KIAA1671: variants seen among roughly 807,000 people sequenced by gnomAD.
KIAA1671 encodes the protein KIAA1671.
In KIAA1671, 52 loss-of-function variants were observed where a neutral mutation model predicts 131.2. The ratio of observed to expected loss-of-function variants is 0.40; its 90% CI spans 0.32 to 0.50. The LOEUF is 0.50. KIAA1671 is among the 20% of genes least tolerant of loss of function. KIAA1671 has a pLI of 0.73. For synonymous variants in KIAA1671, 1,003 were observed against 961.6 expected, an observed-to-expected ratio of 1.04 and a Z score of -0.80; for missense variants, 2,360 against 2,364.2, an observed-to-expected ratio of 1.00 and a Z score of 0.04.
At chr22:25,033,555 TTTTGGTTGGTTTG>T (rs1926403895) in intron 4 of KIAA1671, among the ~76,000 whole-genome samples, 4 of 150,478 alleles carry the variant, frequency 2.7e-5, no homozygotes, top group African/African-American at 4.9e-5. Flanking sequence ...TTAGTTGTTT[TTTTGGTTGGTTTG>T]TTTTCGTTTT....
chr22:24,968,789 T>C (rs1310817223), intron 1 of KIAA1671, among the ~76,000 whole-genome samples: 1 of 152,222 alleles, frequency 6.6e-6, no homozygotes, highest in Non-Finnish European at 1.5e-5. Context: ...CATGCATGTG[T>C]TGGGCATGAG....
chr22:25,035,698 G>C (rs1348725902), intron 4 of KIAA1671, among the ~76,000 whole-genome samples: 1 of 152,180 alleles, frequency 6.6e-6, no homozygotes, highest in East Asian at 1.9e-4. Flanking sequence ...GGGCAAAAAG[G>C]CTGTGTGTGG....
At chr22:24,987,775 T>A (rs1417918023) in intron 1 of KIAA1671, among the ~76,000 whole-genome samples, 1 of 152,242 alleles carries the variant, frequency 6.6e-6, no homozygotes, top group Non-Finnish European at 1.5e-5. Flanking sequence ...GCTAGTCTGA[T>A]AGACTCCTGC....
At chr22:25,058,953 A>C (rs977046973) in intron 6 of KIAA1671, 2 of 152,200 alleles carry the variant, frequency 1.3e-5, no homozygotes, top group Admixed American at 6.5e-5. Context: ...GCCTTCCCTG[A>C]CACCACCTCT....
Position 24,986,439 on chromosome 22 carries a change from A to G in KIAA1671, c.-208+33667A>G, listed in dbSNP as rs142431878. On this transcript the variant is annotated intron_variant, in intron 1 of 12. Transcript: ENST00000358431. Reference sequence around the variant, plus strand: ...AATTATGATAGTTAATACAATGTAGATACCATGTAAGTAGTTACTATCTAC... The same window carrying G: ...AATTATGATAGTTAATACAATGTAGGTACCATGTAAGTAGTTACTATCTAC... Among the ~76,000 whole-genome samples, 82 of 152,290 alleles carry G rather than the reference A, an allele frequency of 5.4e-4. No homozygotes were observed. In the East Asian group the frequency reaches 0.013, roughly 25 times the overall value.
At chr22:25,055,752 T>G (rs932786953) in intron 6 of KIAA1671, 1 of 149,478 alleles carries the variant, frequency 6.7e-6, no homozygotes, top group Non-Finnish European at 1.5e-5. Context: ...TCTTTGTTGT[T>G]GAGTTGTAGG....
At chr22:25,170,701 AGCGGGTT>A in intron 6 of KIAA1671, 112 bp from the exon 7 acceptor site, 1 of 909,134 alleles carries the variant, frequency 1.1e-6, no homozygotes, top group Non-Finnish European at 1.7e-6. Context: ...TTAGGAAGGC[AGCGGGTT>A]GCTGGGATGG....
At chr22:25,154,813 C>T (rs988661796) in intron 6 of KIAA1671, among the ~76,000 whole-genome samples, 17 of 152,238 alleles carry the variant, frequency 1.1e-4, no homozygotes, top group Non-Finnish European at 2.5e-4. Flanking sequence ...TTCCTATAGG[C>T]CCCAGCTCTG....
In KIAA1671 at chr22:25,068,492, A is replaced by G. The variant is rs1020157798; in HGVS notation, c.4530+19128A>G. Among the ~76,000 whole-genome samples, 3 of 151,842 alleles carry G rather than the reference A, an allele frequency of 2.0e-5. No homozygotes were observed. In the East Asian group the frequency reaches 5.8e-4, roughly 29 times the overall value. ...CACTCTGTCACCCAGGCTGGAGTGC[A>G]GTGGCACGATCTCGGCTCACTGCAA... On this transcript the variant is annotated intron_variant, in intron 6 of 12. Transcript: ENST00000358431.
chr22:25,114,151 T>G (rs1454054604), intron 6 of KIAA1671, among the ~76,000 whole-genome samples: 1 of 150,314 alleles, frequency 6.7e-6, no homozygotes, highest in Admixed American at 6.6e-5. Context: ...CCACCAAGAG[T>G]GTAAATACAT....
chr22:25,053,266 C>T (rs1478743702), intron 6 of KIAA1671: 1 of 152,200 alleles, frequency 6.6e-6, no homozygotes, highest in Admixed American at 6.5e-5. Flanking sequence ...CAGGGTTCCC[C>T]TCAGGACCTC....
At chr22:25,127,872 G>T (rs1932257673) in intron 6 of KIAA1671, among the ~76,000 whole-genome samples, 1 of 152,204 alleles carries the variant, frequency 6.6e-6, no homozygotes, top group Non-Finnish European at 1.5e-5. Context: ...TAGTGCCATT[G>T]GTTGAAAAAT....
chr22:25,132,873 G>A (rs1932503990), intron 6 of KIAA1671, among the ~76,000 whole-genome samples: 1 of 152,058 alleles, frequency 6.6e-6, no homozygotes, highest in Non-Finnish European at 1.5e-5. Flanking sequence ...TGGCCAACAT[G>A]GCGAAATCCC....
intron 4 of KIAA1671, among the ~76,000 whole-genome samples, 182 bp from the exon 5 acceptor site, chr22:25,038,578 A>G (rs980055093): frequency 6.6e-6 from 1 of 152,244 alleles, no homozygotes; most frequent in Admixed American, 6.5e-5. Context: ...GTTCTCTCCA[A>G]CAGTATCTGA....
chr22:25,039,437 G>C lies in KIAA1671; in HGVS notation c.2307G>C (p.Lys769Asn). 1 of 1,551,798 alleles carries C rather than the reference G, an allele frequency of 6.4e-7. No homozygotes were observed. Among genetic ancestry groups the C allele is most frequent in the Non-Finnish European group, 8.7e-7 (1 of 1,147,016 alleles). The change falls in exon 5 of 13, where the codon AAG (lysine) becomes AAC (asparagine). Residue 769 changes from lysine (K) to asparagine (N), a missense_variant. Physicochemically the swap from Lys to Asn is moderately conservative, Grantham distance 94. Transcript: ENST00000358431. ...GCCTCAGGTCTTGGCTCTCACTGAA[G>C]GACAGGCAGCTGTCCCAGGAGGTCA... is the stretch of plus-strand genomic sequence containing the variant. ...LRSLRSWLSLKDRQLSQEVTP... is the reference protein window; with the variant it reads ...LRSLRSWLSLNDRQLSQEVTP...
At chr22:24,971,778 G>T (rs1380942389) in intron 1 of KIAA1671, among the ~76,000 whole-genome samples, 2 of 152,126 alleles carry the variant, frequency 1.3e-5, no homozygotes, top group Non-Finnish European at 2.9e-5. Flanking sequence ...GTAGAGGGTT[G>T]GGGGGTTACC....
chr22:25,100,285 G>A (rs968027631), intron 6 of KIAA1671, among the ~76,000 whole-genome samples: 21 of 152,200 alleles, frequency 1.4e-4, no homozygotes, highest in Non-Finnish European at 2.5e-4. Context: ...TCAGAACTGA[G>A]TATGGGAGGG....
intron 1 of KIAA1671, among the ~76,000 whole-genome samples, chr22:24,985,453 C>A (rs1040982931): frequency 3.9e-5 from 6 of 152,028 alleles, no homozygotes; most frequent in Non-Finnish European, 8.8e-5. Flanking sequence ...CATTCTCCTG[C>A]CTCAGCCTCC....
intron 4 of KIAA1671, among the ~76,000 whole-genome samples, chr22:25,037,406 ATG>A (rs1468186647): frequency 4.6e-5 from 7 of 151,402 alleles, no homozygotes; most frequent in African/African-American, 1.2e-4. Flanking sequence ...ATATGTATAT[ATG>A]TGTGTATATA....
Sources: allele counts gnomAD v4.1 joint callset (sites outside exome capture counted in the v4.1 genomes callset), GRCh38; gene constraint gnomAD v4.1.1; transcripts MANE v1.5; gene names NCBI Gene and HGNC (gene_info 2026-07-23, HGNC 2026-07-21).